Variants in CFAP299 observed in about 807,000 individuals in gnomAD.
CFAP299 encodes cilia- and flagella-associated protein 299.
A neutral mutation model predicts 27.0 loss-of-function variants in CFAP299; 21 were observed. The ratio of observed to expected loss-of-function variants is 0.78; its 90% CI spans 0.55 to 1.12. The LOEUF (loss-of-function observed/expected upper bound fraction) is 1.12, where lower values mean the gene tolerates loss of function less well. Among genes scored for constraint, CFAP299 ranks in the 50% most tolerant of loss-of-function variants. The pLI is 0.00. For missense variants in CFAP299, 310 were observed against 276.6 expected (o/e 1.12, Z -0.86); for synonymous variants, 104 against 98.1 (o/e 1.06, Z -0.36).
intron 3 of CFAP299, among the ~76,000 whole-genome samples, chr4:80,830,601 G>C (rs138024393): frequency 6.6e-4 from 101 of 152,152 alleles, no homozygotes; most frequent in African/African-American, 2.3e-3. Flanking sequence ...TGTTAGGAAG[G>C]CCAAACTATC....
intron 2 of CFAP299, among the ~76,000 whole-genome samples, chr4:80,572,393 T>C (rs1735624200): frequency 6.6e-6 from 1 of 151,940 alleles, no homozygotes; most frequent in African/African-American, 2.4e-5. Context: ...TTTTAGCTTC[T>C]AGCTTCCACA....
At chr4:80,816,227 A>T (rs1729414097) in intron 3 of CFAP299, among the ~76,000 whole-genome samples, 2 of 152,134 alleles carry the variant, frequency 1.3e-5, no homozygotes, top group South Asian at 4.1e-4. Flanking sequence ...TCTGGCAGAT[A>T]ATTTGTAAAT....
intron 3 of CFAP299, among the ~76,000 whole-genome samples, chr4:80,730,529 A>T (rs958568182): frequency 5.5e-5 from 6 of 108,948 alleles, no homozygotes; most frequent in African/African-American, 1.5e-4. Context: ...CTAAGCTGAT[A>T]AAAAAAAAAA....
chr4:80,720,814 G>T (rs886586336), intron 3 of CFAP299, among the ~76,000 whole-genome samples: 1 of 152,080 alleles, frequency 6.6e-6, no homozygotes, highest in African/African-American at 2.4e-5. Flanking sequence ...AATTGGTAAA[G>T]ATGGTAGAAT....
At chr4:80,931,228 G>A (rs1253350933) in intron 4 of CFAP299, among the ~76,000 whole-genome samples, 2 of 151,970 alleles carry the variant, frequency 1.3e-5, no homozygotes, top group Admixed American at 6.6e-5. Context: ...TTGGCTCCTC[G>A]CCTCACCCTA....
At chr4:80,522,254 G>A (rs1319583069) in intron 2 of CFAP299, among the ~76,000 whole-genome samples, 1 of 151,788 alleles carries the variant, frequency 6.6e-6, no homozygotes, top group Non-Finnish European at 1.5e-5. Context: ...CTAATGATTA[G>A]TGATGTTGAA....
intron 3 of CFAP299, among the ~76,000 whole-genome samples, chr4:80,615,964 A>G (rs1479868164): frequency 6.6e-6 from 1 of 152,206 alleles, no homozygotes; most frequent in Admixed American, 6.6e-5. Flanking sequence ...TTTTAGGAAT[A>G]GGTAATTGAC....
At chr4:80,614,106 C>T (rs1388959210) in intron 3 of CFAP299, among the ~76,000 whole-genome samples, 1 of 152,138 alleles carries the variant, frequency 6.6e-6, no homozygotes, top group East Asian at 1.9e-4. Flanking sequence ...TTGTATTCCC[C>T]TTTTCATTTC....
intron 3 of CFAP299, among the ~76,000 whole-genome samples, chr4:80,782,638 A>G (rs1339082707): frequency 1.7e-4 from 20 of 118,386 alleles, no homozygotes; most frequent in African/African-American, 3.3e-4. Flanking sequence ...CATATATAAT[A>G]TACATATATG....
At chr4:80,376,578 A>T (rs1260707088) in intron 2 of CFAP299, among the ~76,000 whole-genome samples, 1 of 152,164 alleles carries the variant, frequency 6.6e-6, no homozygotes, top group Non-Finnish European at 1.5e-5. Flanking sequence ...AACACATGGT[A>T]TTGACAGTTA....
chr4:80,537,982 T>G (rs1733825351), intron 2 of CFAP299, among the ~76,000 whole-genome samples: 1 of 152,160 alleles, frequency 6.6e-6, no homozygotes, highest in Non-Finnish European at 1.5e-5. Flanking sequence ...CTGAAATCTG[T>G]CATATGAAGA....
intron 2 of CFAP299, among the ~76,000 whole-genome samples, chr4:80,516,980 T>G (rs1732620465): frequency 6.6e-6 from 1 of 152,184 alleles, no homozygotes; most frequent in Non-Finnish European, 1.5e-5. Flanking sequence ...AGCTCTATCT[T>G]CAGTGCCTAG....
chr4:80,848,796 A>G (rs1731325833), intron 3 of CFAP299, among the ~76,000 whole-genome samples: 1 of 152,060 alleles, frequency 6.6e-6, no homozygotes, highest in African/African-American at 2.4e-5. Flanking sequence ...AAACAAAACA[A>G]AACAAAAACA....
chr4:80,945,228 A>G (rs914190056), intron 5 of CFAP299, among the ~76,000 whole-genome samples: 2 of 152,210 alleles, frequency 1.3e-5, no homozygotes, highest in Non-Finnish European at 2.9e-5. Flanking sequence ...TAGGCCACGC[A>G]TGTGCTTCCC....
intron 3 of CFAP299, among the ~76,000 whole-genome samples, chr4:80,682,258 G>A (rs1275775033): frequency 6.6e-6 from 1 of 152,086 alleles, no homozygotes; most frequent in Non-Finnish European, 1.5e-5. Flanking sequence ...CTAATCTTTA[G>A]TGTCATGTGC....
chr4:80,444,930 C>T (rs1193585543), intron 2 of CFAP299, among the ~76,000 whole-genome samples: 1 of 152,182 alleles, frequency 6.6e-6, no homozygotes, highest in Admixed American at 6.5e-5. Context: ...AAAAGCTCAT[C>T]ATCATTGGTC....
intron 2 of CFAP299, among the ~76,000 whole-genome samples, chr4:80,460,620 C>A (rs6814695): frequency 0.4 from 61,198 of 151,878 alleles, 14,173 homozygotes; most frequent in African/African-American, 0.64. Flanking sequence ...TTTTTTTATG[C>A]GTAAGAAATA....
chr4:80,724,175 T>C (rs1723008801), intron 3 of CFAP299, among the ~76,000 whole-genome samples: 1 of 152,118 alleles, frequency 6.6e-6, no homozygotes, highest in Admixed American at 6.5e-5. Flanking sequence ...GGTAAAACTT[T>C]CAAAATATTT....
chr4:80,867,286 T>C (rs988206895), intron 3 of CFAP299, among the ~76,000 whole-genome samples: 2 of 152,168 alleles, frequency 1.3e-5, no homozygotes, highest in African/African-American at 4.8e-5. Flanking sequence ...ATAACTGCTC[T>C]TTTTGGATAA....
Sources: gnomAD v4.1 joint callset for allele counts (sites outside exome capture counted in the v4.1 genomes callset) on GRCh38, gnomAD v4.1.1 for gene constraint, MANE v1.5 for transcripts, NCBI Gene and HGNC (gene_info 2026-07-23, HGNC 2026-07-21) for gene names.